Variants in TCOF1 observed in about 807,000 individuals in gnomAD.
TCOF1 encodes treacle ribosome biogenesis factor 1.
In TCOF1, 33 loss-of-function variants were observed where a neutral mutation model predicts 149.0. That is an observed-to-expected ratio of 0.22 (90% CI 0.17 to 0.30). The LOEUF is 0.30. Among genes scored for constraint, TCOF1 ranks in the 10% least tolerant of loss-of-function variants. The pLI, the probability that TCOF1 is intolerant of heterozygous loss-of-function variation, is 1.00. For synonymous variants in TCOF1, 789 were observed against 738.8 expected, an observed-to-expected ratio of 1.07 and a Z score of -1.10; for missense variants, 1,728 against 1,840.7, an observed-to-expected ratio of 0.94 and a Z score of 1.12.
chr5:150,357,789 T>C lies in TCOF1; in HGVS notation c.43T>C (p.Tyr15His), dbSNP rs752182123. 6.5e-7 allele frequency: 1 copy of C among 1,549,572 alleles called. No homozygotes were observed. Among genetic ancestry groups the C allele is most frequent in the Non-Finnish European group, 8.7e-7 (1 of 1,146,538 alleles). ...GCGGCGGGAGCTACTTCCCCTGATC[T>C]ACCACCATCTGCTGCGGGCTGGCTA... ...RKRRELLPLI[Y>H]HHLLRAGYVR... Residue 15 changes from tyrosine (Y) to histidine (H), a missense_variant, in exon 1 of 27, where the codon TAC (tyrosine) becomes CAC (histidine). Coordinates refer to ENST00000643257, the MANE Select transcript of TCOF1 (RefSeq NM_001371623.1).
intron 23 of TCOF1, 120 bp downstream of exon 23, chr5:150,393,672 TC>T: frequency 7.4e-7 from 1 of 1,350,480 alleles, no homozygotes; most frequent in South Asian, 1.2e-5. Context: ...CCAGAGCCTC[TC>T]CAAGTGAGAC....
intron 17 of TCOF1, among the ~76,000 whole-genome samples, chr5:150,386,421 G>A (rs905852096): frequency 6.6e-6 from 1 of 152,242 alleles, no homozygotes; most frequent in African/African-American, 2.4e-5. Flanking sequence ...GGCTCTGGAA[G>A]TGGCAGATCG....
At chr5:150,375,592 C>A (rs200772825) in intron 11 of TCOF1, 38 bp downstream of exon 11, 4 of 1,613,584 alleles carry the variant, frequency 2.5e-6, no homozygotes, top group African/African-American at 2.7e-5. Context: ...CTTTTTCCCC[C>A]CCACTCAGAG....
intron 10 of TCOF1, 68 bp downstream of exon 10, chr5:150,375,231 T>C: frequency 6.2e-7 from 1 of 1,611,682 alleles, no homozygotes. Context: ...TTTTGACTTT[T>C]CCTCTCTGAA....
At chr5:150,388,124 G>A in intron 18 of TCOF1, 36 bp downstream of exon 18, 1 of 1,610,962 alleles carries the variant, frequency 6.2e-7, no homozygotes, top group Non-Finnish European at 8.5e-7. Context: ...GGGAGGGGCT[G>A]CCAGCACTGC....
intron 25 of TCOF1, 26 bp from the exon 26 acceptor site, chr5:150,398,996 A>G (rs767317882): frequency 1.9e-6 from 3 of 1,614,212 alleles, no homozygotes; most frequent in Non-Finnish European, 2.5e-6. Context: ...CAGGTCTGAG[A>G]GCCTCTCGTA....
intron 25 of TCOF1, 28 bp from the exon 26 acceptor site, chr5:150,398,994 A>G: frequency 6.2e-7 from 1 of 1,614,240 alleles, no homozygotes. Context: ...TGCAGGTCTG[A>G]GAGCCTCTCG....
chr5:150,357,786 A>G lies in TCOF1; in HGVS notation c.40A>G (p.Ile14Val), dbSNP rs1289458244. The G allele has an allele frequency of 1.3e-6, 2 of 1,549,680 alleles. No homozygotes were observed. The highest frequency in any genetic ancestry group is 1.7e-6 in the Non-Finnish European group (2 of 1,146,554). ...GAAGCGGCGGGAGCTACTTCCCCTG[A>G]TCTACCACCATCTGCTGCGGGCTGG... The part of the protein sequence containing the change: ...ARKRRELLPL[I>V]YHHLLRAGYV... The change falls in exon 1 of 27, where the codon ATC becomes GTC. Residue 14 changes from isoleucine to valine, a missense_variant. Physicochemically the swap from Ile to Val is conservative, Grantham distance 29. Around this residue, in one of 2 missense-constraint regions of TCOF1, gnomAD observed 32 missense variants for 75.3 expected, o/e 0.43. Coordinates refer to ENST00000643257, the MANE Select transcript of TCOF1 (RefSeq NM_001371623.1).
At chr5:150,362,021 G>A (rs1293431183) in intron 2 of TCOF1, among the ~76,000 whole-genome samples, 1 of 152,214 alleles carries the variant, frequency 6.6e-6, no homozygotes, top group Non-Finnish European at 1.5e-5. Context: ...CCAGGCAAGA[G>A]CTGATGGGGC....
At chr5:150,375,210 A>ACCT (rs745588981) in intron 10 of TCOF1, 47 bp downstream of exon 10, 14 of 1,611,928 alleles carry the variant, frequency 8.7e-6, no homozygotes, top group Admixed American at 5.0e-5. Flanking sequence ...GCCTCAAAAG[A>ACCT]CCTCCTGTGG....
chr5:150,391,351 G>A (rs542021554), intron 19 of TCOF1, among the ~76,000 whole-genome samples, 193 bp from the exon 20 acceptor site: 1 of 152,314 alleles, frequency 6.6e-6, no homozygotes, highest in African/African-American at 2.4e-5. Flanking sequence ...CCCTGGGCTG[G>A]GAACTGTCCC....
rs746033635 is a variant in TCOF1 at position 150,368,877 on chromosome 5, G to A, written c.540G>A (p.Pro180=). The A allele has an allele frequency of 1.9e-5, 31 of 1,613,684 alleles. No individual in the cohort carries two copies. In the South Asian group the frequency reaches 2.1e-4, roughly 11 times the overall value. The part of the protein sequence containing the change: ...VSETEEEGSV[P]AFGAAAKPGM... ...AAACTGAGGAGGAGGGCAGCGTCCC[G>A]GCCTTTGGAGCTGCTGCCAAGCCTG... Residue 180 remains proline, a synonymous_variant, in exon 5 of 27, where the codon CCG becomes CCA. Transcript: ENST00000643257.
intron 17 of TCOF1, chr5:150,380,085 A>AG (rs1382861480): frequency 1.9e-5 from 5 of 265,770 alleles, no homozygotes; most frequent in African/African-American, 1.1e-4. Flanking sequence ...AAAAAAAAAA[A>AG]GAAAAAAAAG....
In TCOF1 at chr5:150,396,494, G is replaced by T; in HGVS notation, c.3997G>T (p.Asp1333Tyr). Residue 1333 changes from aspartate (D) to tyrosine (Y), a missense_variant, in exon 24 of 27, where the codon GAC (aspartate) becomes TAC (tyrosine). This residue lies in a region of TCOF1 where 1,696 missense variants were observed against 1,765.4 expected (regional missense o/e 0.96). Transcript: ENST00000643257. ...GGAACAGGAAAGAAAGAAGGTGGTG[G>T]ACACCACCAAGGAGAGCAGCAGGAA... ...LLEQERKKVV[D>Y]TTKESSRKGW... is the part of the protein sequence containing the mutation. The T allele has an allele frequency of 6.2e-7, 1 of 1,613,492 alleles. No homozygotes were observed. Among genetic ancestry groups the T allele is most frequent in the Non-Finnish European group, 8.5e-7 (1 of 1,179,812 alleles).
At chr5:150,391,724 G>T (rs780257725) in intron 20 of TCOF1, 67 bp downstream of exon 20, 1 of 1,431,870 alleles carries the variant, frequency 7.0e-7, no homozygotes, top group Non-Finnish European at 9.7e-7. Context: ...GCCCTGCATC[G>T]CGGCACCAGC....
Position 150,396,686 on chromosome 5 carries a change from A to C in TCOF1, c.4189A>C (p.Ser1397Arg). 1 of 1,612,736 alleles carries C rather than the reference A, an allele frequency of 6.2e-7. No individual in the cohort carries two copies. The highest frequency in any genetic ancestry group is 8.5e-7 in the Non-Finnish European group (1 of 1,179,506). Residue 1397 changes from serine to arginine, a missense_variant, in exon 24 of 27, where the codon AGT becomes CGT. By Grantham distance (110) the Ser-to-Arg change is moderately radical (BLOSUM62 -1). Around this residue, in one of 2 missense-constraint regions of TCOF1, gnomAD observed 1,696 missense variants for 1,765.4 expected, o/e 0.96. Coordinates refer to ENST00000643257, the MANE Select transcript of TCOF1 (RefSeq NM_001371623.1). ...SKGKAKRDKA[S>R]GDVKEKKGKG... is the part of the protein sequence containing the mutation. ...GGGGAAAGCAAAGAGAGACAAAGCA[A>C]GTGGTGATGTCAAGGAGAAGAAAGG...
intron 17 of TCOF1, chr5:150,383,833 A>T: frequency 6.4e-7 from 1 of 1,551,454 alleles, no homozygotes; most frequent in Non-Finnish European, 8.7e-7. Flanking sequence ...CCCAGAGCTT[A>T]AGCCACAGTC....
At position 150,368,855 on chromosome 5, in the gene TCOF1, C is replaced by T; in HGVS notation, c.518C>T (p.Thr173Ile). ...GCAAATACTACGTTGGTCTCAGAAACTGAGGAGGAGGGCAGCGTCCCGGCC... is the reference window on the plus strand; with the variant it reads ...GCAAATACTACGTTGGTCTCAGAAATTGAGGAGGAGGGCAGCGTCCCGGCC... ...PSANTTLVSE[T>I]EEEGSVPAFG... The change falls in exon 5 of 27, where the codon ACT becomes ATT. Residue 173 changes from threonine (T) to isoleucine (I), a missense_variant. By Grantham distance (89) the Thr-to-Ile change is moderately conservative. Around this residue, in one of 2 missense-constraint regions of TCOF1, gnomAD observed 1,696 missense variants for 1,765.4 expected, o/e 0.96. Coordinates refer to ENST00000643257, the MANE Select transcript of TCOF1 (RefSeq NM_001371623.1). 1.2e-6 allele frequency: 2 copies of T among 1,614,000 alleles called. No individual in the cohort carries two copies. The highest frequency in any genetic ancestry group is 8.5e-7 in the Non-Finnish European group (1 of 1,180,050).
rs374585170 is a variant in TCOF1, at chr5:150,379,782, G to C, written c.2859+50G>C. 344 of 1,596,122 alleles carry C rather than the reference G, an allele frequency of 2.2e-4. 1 individual carries two copies. Among genetic ancestry groups the C allele is most frequent in the Non-Finnish European group, 2.8e-4 (330 of 1,170,968 alleles). On this transcript the variant is annotated intron_variant, in intron 17 of 26. Transcript: ENST00000643257. ...CACCAACACTCACTCCTCAGAACGGGGGTATAGGGCTGGGCGTGGTGGCTC... is the reference window on the plus strand; with the variant it reads ...CACCAACACTCACTCCTCAGAACGGCGGTATAGGGCTGGGCGTGGTGGCTC...
Sources: allele counts gnomAD v4.1 joint callset (sites outside exome capture counted in the v4.1 genomes callset), GRCh38; gene constraint gnomAD v4.1.1; regional missense constraint gnomAD v4.1.1; transcripts MANE v1.5; gene names NCBI Gene and HGNC (gene_info 2026-07-23, HGNC 2026-07-21).